Variants in UNC5CL observed in about 807,000 individuals in gnomAD.
UNC5CL encodes UNC5C-like protein.
In UNC5CL, 42 loss-of-function variants were observed where a neutral mutation model predicts 54.1. That is an observed-to-expected ratio of 0.78 (90% confidence interval 0.61 to 1.00). The LOEUF (loss-of-function observed/expected upper bound fraction) is 1.00. Ranked by LOEUF, UNC5CL falls within the 50% of genes least tolerant of loss-of-function variation. UNC5CL has a pLI of 0.00. For synonymous variants in UNC5CL, 285 were observed against 285.1 expected (o/e 1.00, Z 0.00); for missense variants, 619 against 675.6 (o/e 0.92, Z 0.93).
At chr6:41,033,748 C>A in intron 3 of UNC5CL, 133 bp downstream of exon 3, 2 of 1,053,186 alleles carry the variant, frequency 1.9e-6, no homozygotes, top group South Asian at 3.2e-5. Flanking sequence ...CAGAAAGAGA[C>A]ACCAGGGGAT....
In UNC5CL at chr6:41,029,836, A is replaced by T. The variant is rs920502497; in HGVS notation, c.1334+552T>A. Among the ~76,000 whole-genome samples the T allele has an allele frequency of 6.6e-6, 1 of 152,166 alleles. No individual in the cohort carries two copies. The highest frequency in any genetic ancestry group is 2.4e-5 in the African/African-American group (1 of 41,432). On this transcript the variant is annotated intron_variant, in intron 8 of 8. Transcript: ENST00000244565. The surrounding 1 kb of genome is among the most constrained non-coding windows in gnomAD (Gnocchi z 4.1). ...GGGCGACAGAGCAAGACTCCGTCTC[A>T]AATAATGATAATAATAATAAATAAA...
At position 41,030,648 on chromosome 6, in the gene UNC5CL, G is replaced by A. The variant is rs377361125; in HGVS notation, c.1220+7C>T. On this transcript the variant is annotated splice_region_variant and intron_variant, in intron 7 of 8. Coordinates refer to ENST00000244565, the MANE Select transcript of UNC5CL (RefSeq NM_173561.3). ...CCAGGCAGCAGCCCAAGCAACCCCC[G>A]TCTCACCTATTGCATGGGGGCGGCT... 137 of 1,613,984 alleles carry A rather than the reference G, an allele frequency of 8.5e-5. No homozygotes were observed. Among genetic ancestry groups the A allele is most frequent in the Non-Finnish European group, 9.9e-5 (117 of 1,179,942 alleles).
chr6:41,035,946 C>CA (rs758605047), intron 1 of UNC5CL, among the ~76,000 whole-genome samples: 9 of 152,032 alleles, frequency 5.9e-5, no homozygotes, highest in Non-Finnish European at 1.3e-4. Context: ...AGTGCTGATA[C>CA]AAAAAAATCT....
At chr6:41,037,072 T>C (rs1762533914) in intron 1 of UNC5CL, among the ~76,000 whole-genome samples, 1 of 152,206 alleles carries the variant, frequency 6.6e-6, no homozygotes, top group South Asian at 2.1e-4. Flanking sequence ...CCCCACTTGT[T>C]TCCTCTCCCT....
rs899050529 is a variant in UNC5CL at position 41,032,814 on chromosome 6, G to A, written c.949+70C>T. The A allele has an allele frequency of 1.3e-5, 19 of 1,472,496 alleles. No homozygotes were observed. In the African/African-American group the frequency reaches 1.7e-4, roughly 13 times the overall value. 91.2% of individuals were successfully genotyped at this position (1,472,496 alleles called of 1,614,324 possible). Reference sequence around the variant, plus strand: ...ATCCCCAGATCTCCAGATGTCCAGGGGAGGCCCAGAACCCTTCATTCCTGT... The same window carrying A: ...ATCCCCAGATCTCCAGATGTCCAGGAGAGGCCCAGAACCCTTCATTCCTGT... On this transcript the variant is annotated intron_variant, in intron 4 of 8. Transcript: ENST00000244565.
chr6:41,032,454 C>T (rs1018355736), intron 4 of UNC5CL, among the ~76,000 whole-genome samples: 1 of 152,144 alleles, frequency 6.6e-6, no homozygotes, highest in African/African-American at 2.4e-5. Context: ...TACTGCTGGC[C>T]CAGAGGTCAC....
In UNC5CL at chr6:41,030,763, A is replaced by C. The variant is rs760177926; in HGVS notation, c.1120-8T>G. The C allele has an allele frequency of 1.2e-6, 2 of 1,612,568 alleles. No homozygotes were observed. The highest frequency in any genetic ancestry group is 1.7e-6 in the Non-Finnish European group (2 of 1,178,746). ...ATACTTGGTCTCCAAGCCCTGAGTC[A>C]ACACAGGGCAGGGAACACACTTAGG... On this transcript the variant is annotated splice_polypyrimidine_tract_variant and splice_region_variant and intron_variant, in intron 6 of 8. Coordinates refer to ENST00000244565, the MANE Select transcript of UNC5CL (RefSeq NM_173561.3).
Position 41,028,595 on chromosome 6 carries a change from C to T in UNC5CL, c.1335G>A (p.Arg445=), listed in dbSNP as rs912194275. 4 of 1,612,554 alleles carry T rather than the reference C, an allele frequency of 2.5e-6. No individual in the cohort carries two copies. In the African/African-American group the frequency reaches 4.0e-5, roughly 16 times the overall value. Residue 445 remains arginine (R), a splice_region_variant and synonymous_variant, in exon 9 of 9, where the codon CGG becomes CGA. Coordinates refer to ENST00000244565, the MANE Select transcript of UNC5CL (RefSeq NM_173561.3). The surrounding 1 kb of genome is among the most constrained non-coding windows in gnomAD (Gnocchi z 4.3). Reference sequence around the variant, plus strand: ...CGGGGCTGCGCTGGCAGGACAGGAACCTGGCCCGAGGTAGGGGAGGAAGAG... The same window carrying T: ...CGGGGCTGCGCTGGCAGGACAGGAATCTGGCCCGAGGTAGGGGAGGAAGAG... The part of the protein sequence containing the change: ...SHLGLCGMKI[R]FLSCQRSPAA...
At chr6:41,030,277 TCTGA>T in intron 8 of UNC5CL, 107 bp downstream of exon 8, 1 of 991,430 alleles carries the variant, frequency 1.0e-6, no homozygotes, top group Non-Finnish European at 1.6e-6. Context: ...GTAGCCATTC[TCTGA>T]CTTTTAAGTC....
In UNC5CL at chr6:41,028,692, C is replaced by G. The variant is rs1762418371; in HGVS notation, c.1335-97G>C. 3 of 1,132,488 alleles carry G rather than the reference C, an allele frequency of 2.6e-6. No individual in the cohort carries two copies. Among genetic ancestry groups the G allele is most frequent in the South Asian group, 1.5e-5 (1 of 66,876 alleles). 70.2% of individuals were successfully genotyped at this position (1,132,488 alleles called of 1,614,324 possible). ...TGGGCTGCGCAGCGCAAGGTCCGTC[C>G]CTTCCCCATCCTGTAGCTTTTGTCC... On this transcript the variant is annotated intron_variant, in intron 8 of 8. Transcript: ENST00000244565. This position sits in a 1 kb window ranked among gnomAD's most constrained non-coding sequence, Gnocchi z 4.3.
rs1321893949 is a variant in UNC5CL, at chr6:41,033,068, C to T, written c.765G>A (p.Pro255=). 8 of 1,612,876 alleles carry T rather than the reference C, an allele frequency of 5.0e-6. No homozygotes were observed. Among genetic ancestry groups the T allele is most frequent in the South Asian group, 1.1e-5 (1 of 90,820 alleles). Residue 255 remains proline (P), a synonymous_variant, in exon 4 of 9, where the codon CCG becomes CCA. Coordinates refer to ENST00000244565, the MANE Select transcript of UNC5CL (RefSeq NM_173561.3). ...KWLQLAVFCS[P]LVPGQSHLQL... Reference sequence around the variant, plus strand: ...GCAGATGGGACTGTCCTGGCACCAGCGGTGAGCAGAATACGGCCAGCTGCA... The same window carrying T: ...GCAGATGGGACTGTCCTGGCACCAGTGGTGAGCAGAATACGGCCAGCTGCA...
Position 41,030,735 on chromosome 6 carries a change from C to T in UNC5CL, c.1140G>A (p.Met380Ile). The change falls in exon 7 of 9, where the codon ATG becomes ATA. Residue 380 changes from methionine to isoleucine, a missense_variant. Physicochemically the swap from Met to Ile is conservative, Grantham distance 10 (BLOSUM62 1). Coordinates refer to ENST00000244565, the MANE Select transcript of UNC5CL (RefSeq NM_173561.3). ...CTGATGCCTGGAATCTGAGGATTTC[C>T]ATATACTTGGTCTCCAAGCCCTGAG... ...TFQDGLETKY[M>I]EILRFQASEE... The T allele has an allele frequency of 6.2e-7, 1 of 1,614,046 alleles. No homozygotes were observed. The highest frequency in any genetic ancestry group is 8.5e-7 in the Non-Finnish European group (1 of 1,179,986).
rs116257372 is a variant in UNC5CL at position 41,032,849 on chromosome 6, G to C, written c.949+35C>G. On this transcript the variant is annotated intron_variant, in intron 4 of 8. Transcript: ENST00000244565. Reference sequence around the variant, plus strand: ...AACCCTTCATTCCTGTGGGGCTCCCGATCATCCTATCCCACAGGCCACTGC... The same window carrying C: ...AACCCTTCATTCCTGTGGGGCTCCCCATCATCCTATCCCACAGGCCACTGC... 19 of 1,546,542 alleles carry C rather than the reference G, an allele frequency of 1.2e-5. No homozygotes were observed. The South Asian group carries it at 1.8e-4, about 15-fold the overall frequency.
intron 3 of UNC5CL, 88 bp from the exon 4 acceptor site, chr6:41,033,234 C>T: frequency 6.7e-6 from 10 of 1,487,196 alleles, no homozygotes; most frequent in Non-Finnish European, 9.0e-6. Flanking sequence ...ACCTGAGGGG[C>T]CTCTGTGGGG....
In UNC5CL at chr6:41,037,449, T is replaced by A. The variant is rs143365601; in HGVS notation, c.-62+1713A>T. Among the ~76,000 whole-genome samples, 424 of 152,288 alleles carry A rather than the reference T, an allele frequency of 2.8e-3. 3 individuals carry two copies. Among genetic ancestry groups the A allele is most frequent in the Admixed American group, 5.0e-3 (77 of 15,298 alleles). On this transcript the variant is annotated intron_variant, in intron 1 of 8. Transcript: ENST00000244565. ...TGGAAGAGCTTCCAGTATCCAGTCC[T>A]CCCCACGCCCTTCACTTGCACTACC...
intron 1 of UNC5CL, among the ~76,000 whole-genome samples, chr6:41,037,390 G>A (rs957703164): frequency 6.6e-6 from 1 of 152,206 alleles, no homozygotes; most frequent in African/African-American, 2.4e-5. Context: ...AGAGCCCTGG[G>A]AGGCCCCTCT....
intron 3 of UNC5CL, 26 bp from the exon 4 acceptor site, chr6:41,033,172 C>A (rs755301084): frequency 6.2e-7 from 1 of 1,605,824 alleles, no homozygotes; most frequent in South Asian, 1.1e-5. Context: ...GTGGCAGGCA[C>A]TAATGTGCAG....
Position 41,028,644 on chromosome 6 carries a change from C to A in UNC5CL, c.1335-49G>T. The A allele has an allele frequency of 1.3e-6, 2 of 1,548,012 alleles. No individual in the cohort carries two copies. The highest frequency in any genetic ancestry group is 1.8e-6 in the Non-Finnish European group (2 of 1,135,494). On this transcript the variant is annotated intron_variant, in intron 8 of 8. Coordinates refer to ENST00000244565, the MANE Select transcript of UNC5CL (RefSeq NM_173561.3). This position sits in a 1 kb window ranked among gnomAD's most constrained non-coding sequence, Gnocchi z 4.3. Reference sequence around the variant, plus strand: ...AGAAGGGTGTAGGAGCAGGGAGGGGCTCCCCCCCTGCTGCAGGCTCCCTGG... The same window carrying A: ...AGAAGGGTGTAGGAGCAGGGAGGGGATCCCCCCCTGCTGCAGGCTCCCTGG...
intron 4 of UNC5CL, 35 bp from the exon 5 acceptor site, chr6:41,032,172 A>G (rs773809620): frequency 7.8e-5 from 122 of 1,563,028 alleles, no homozygotes; most frequent in Non-Finnish European, 1.0e-4. Flanking sequence ...GGCCTCAGAG[A>G]GTGGGGCCTT....
Sources: gnomAD v4.1 joint callset for allele counts (sites outside exome capture counted in the v4.1 genomes callset) on GRCh38, gnomAD v4.1.1 for gene constraint, Gnocchi (gnomAD v3.1) non-coding constraint, MANE v1.5 for transcripts, NCBI Gene and HGNC (gene_info 2026-07-23, HGNC 2026-07-21) for gene names.